Variants in FMN2 observed in about 807,000 individuals in gnomAD.
FMN2 encodes formin 2, also known as formin-2.
A neutral mutation model predicts 142.3 loss-of-function variants in FMN2; 51 were observed. The ratio of observed to expected loss-of-function variants is 0.36; its 90% CI spans 0.29 to 0.45. The LOEUF (loss-of-function observed/expected upper bound fraction) is 0.45, where lower values mean the gene tolerates loss of function less well. Among genes scored for constraint, FMN2 ranks in the 20% least tolerant of loss-of-function variants. The probability of loss-of-function intolerance (pLI) is 1.00; values close to 1 mark genes in which losing one functional copy is unlikely to be tolerated. For synonymous variants in FMN2, 882 were observed against 869.8 expected (o/e 1.01, Z -0.25); for missense variants, 1,936 against 2,122.8 (o/e 0.91, Z 1.73).
At chr1:240,127,472 CTTG>C (rs1441273895) in intron 2 of FMN2, among the ~76,000 whole-genome samples, 1 of 151,400 alleles carries the variant, frequency 6.6e-6, no homozygotes, top group Non-Finnish European at 1.5e-5. Flanking sequence ...TCTTGGTTTG[CTTG>C]TTGTGGTGGT....
chr1:240,196,585 C>T (rs143913437), intron 4 of FMN2, among the ~76,000 whole-genome samples: 3,107 of 152,162 alleles, frequency 0.02, 112 homozygotes, highest in African/African-American at 0.071. Flanking sequence ...GATCTCGGCT[C>T]ACTGCAACCT....
intron 15 of FMN2, among the ~76,000 whole-genome samples, chr1:240,416,958 A>G (rs1472544534): frequency 6.6e-6 from 1 of 150,812 alleles, no homozygotes; most frequent in Non-Finnish European, 1.5e-5. Flanking sequence ...ACAATATCCC[A>G]CTAGTTTTTA....
chr1:240,099,099 A>G (rs1661320950), intron 1 of FMN2, among the ~76,000 whole-genome samples: 1 of 152,152 alleles, frequency 6.6e-6, no homozygotes, highest in Non-Finnish European at 1.5e-5. Context: ...ATGAAATGAA[A>G]TAGCATACAT....
At chr1:240,270,614 T>C (rs1238128649) in intron 7 of FMN2, among the ~76,000 whole-genome samples, 2 of 152,004 alleles carry the variant, frequency 1.3e-5, no homozygotes, top group African/African-American at 4.8e-5. Context: ...CAACAGATGA[T>C]TGCATTAAAA....
chr1:240,199,533 T>C (rs1416963902), intron 4 of FMN2, among the ~76,000 whole-genome samples: 2 of 152,180 alleles, frequency 1.3e-5, no homozygotes, highest in African/African-American at 2.4e-5. Context: ...ATATTTTTGG[T>C]GAACATTTTA....
chr1:240,198,963 G>A (rs182386196), intron 4 of FMN2, among the ~76,000 whole-genome samples: 3 of 152,174 alleles, frequency 2.0e-5, no homozygotes, highest in East Asian at 1.9e-4. Flanking sequence ...AAATTAGCCC[G>A]GCATGGTGGC....
intron 6 of FMN2, among the ~76,000 whole-genome samples, chr1:240,220,770 G>A (rs908486576): frequency 1.3e-5 from 2 of 151,800 alleles, no homozygotes; most frequent in Admixed American, 6.6e-5. Flanking sequence ...AGAACATGCA[G>A]GTTTGTTACA....
chr1:240,364,993 A>T (rs1389970577), intron 14 of FMN2, among the ~76,000 whole-genome samples: 2 of 152,228 alleles, frequency 1.3e-5, no homozygotes, highest in African/African-American at 4.8e-5. Context: ...GAATGTTTAA[A>T]TAATGCATGT....
rs557010421 is a variant in FMN2, at chr1:240,441,380, G to A, written c.5060+3170G>A. ...CCTGGGACATGGATAGGAAATGCCA[G>A]TGTGGTCATTTAAGAGTGTGAAACT... On this transcript the variant is annotated intron_variant, in intron 16 of 17. Transcript: ENST00000319653. 1.3e-3 allele frequency among the ~76,000 whole-genome samples: 202 copies of A among 152,262 alleles called. 2 individuals are homozygous for A. The South Asian group carries it at 0.021, about 16-fold the overall frequency.
chr1:240,339,947 T>C (rs1020388446), intron 13 of FMN2, among the ~76,000 whole-genome samples: 4 of 152,106 alleles, frequency 2.6e-5, no homozygotes, highest in Admixed American at 2.6e-4. Context: ...GTACATAGTA[T>C]TCCTGTTAAT....
intron 15 of FMN2, among the ~76,000 whole-genome samples, chr1:240,437,462 A>AT (rs1253184053): frequency 6.6e-5 from 10 of 150,618 alleles, no homozygotes; most frequent in East Asian, 2.0e-4. Flanking sequence ...TGCCCGGCTA[A>AT]TTTTTTTTTC....
chr1:240,396,374 A>G (rs1673778061), intron 15 of FMN2, among the ~76,000 whole-genome samples: 1 of 150,246 alleles, frequency 6.7e-6, no homozygotes, highest in Non-Finnish European at 1.5e-5. Flanking sequence ...GACTCATGCG[A>G]TTGTAAAATT....
intron 5 of FMN2, among the ~76,000 whole-genome samples, chr1:240,209,885 C>T (rs1480921859): frequency 1.3e-5 from 2 of 151,882 alleles, no homozygotes; most frequent in Non-Finnish European, 2.9e-5. Context: ...GCCTGGGCGA[C>T]AGAGCGAGAG....
chr1:240,366,847 G>A (rs1024749325), intron 14 of FMN2, among the ~76,000 whole-genome samples: 3 of 152,032 alleles, frequency 2.0e-5, no homozygotes, highest in African/African-American at 7.2e-5. Flanking sequence ...CACCGCGCCC[G>A]GCCCTCTATC....
intron 6 of FMN2, among the ~76,000 whole-genome samples, chr1:240,253,334 T>A (rs1308521244): frequency 6.6e-6 from 1 of 152,128 alleles, no homozygotes; most frequent in Admixed American, 6.5e-5. Flanking sequence ...AAGACCTGTC[T>A]TCAAGTTCTA....
intron 1 of FMN2, among the ~76,000 whole-genome samples, chr1:240,094,190 T>C (rs2103161878): frequency 6.6e-6 from 1 of 152,344 alleles, no homozygotes; most frequent in African/African-American, 2.4e-5. Context: ...AGGCAGTCTC[T>C]GACCGCTCTC....
At chr1:240,243,351 C>G (rs1667974746) in intron 6 of FMN2, among the ~76,000 whole-genome samples, 1 of 152,014 alleles carries the variant, frequency 6.6e-6, no homozygotes, top group African/African-American at 2.4e-5. Flanking sequence ...AAACTGAATC[C>G]AAATCAAGGT....
At chr1:240,320,267 G>C (rs182060385) in intron 8 of FMN2, among the ~76,000 whole-genome samples, 24 of 152,122 alleles carry the variant, frequency 1.6e-4, no homozygotes, top group African/African-American at 5.8e-4. Flanking sequence ...GAAAAAGACT[G>C]GGGGAGAGGG....
At chr1:240,160,407 T>G (rs1664229416) in intron 2 of FMN2, among the ~76,000 whole-genome samples, 1 of 151,112 alleles carries the variant, frequency 6.6e-6, no homozygotes, top group Non-Finnish European at 1.5e-5. Flanking sequence ...TCCAGGAAAG[T>G]AAGGTCAGCT....
Sources: allele counts gnomAD v4.1 joint callset (sites outside exome capture counted in the v4.1 genomes callset), GRCh38; gene constraint gnomAD v4.1.1; transcripts MANE v1.5; gene names NCBI Gene and HGNC (gene_info 2026-07-23, HGNC 2026-07-21).